Variants in FAHD2A observed in about 807,000 individuals in gnomAD.
FAHD2A encodes oxaloacetate tautomerase FAHD2A, mitochondrial.
A neutral mutation model predicts 33.4 loss-of-function variants in FAHD2A; 27 were observed. That is an observed-to-expected ratio of 0.81 (90% CI 0.60 to 1.11). The LOEUF is 1.11. Ranked by LOEUF, FAHD2A falls within the 50% of genes most tolerant of loss-of-function variation. FAHD2A has a pLI of 0.00. For synonymous variants in FAHD2A, 130 were observed against 153.3 expected, an observed-to-expected ratio of 0.85 and a Z score of 1.12; for missense variants, 296 against 395.0, an observed-to-expected ratio of 0.75 and a Z score of 2.12.
At chr2:95,403,136 T>G (rs2104334201) in intron 1 of FAHD2A, 1 of 152,410 alleles carries the variant, frequency 6.6e-6, no homozygotes, top group Non-Finnish European at 1.5e-5. Flanking sequence ...GGCTACTGTT[T>G]CCACCTCATG....
In FAHD2A at chr2:95,414,076, G is replaced by C. The variant is rs1682921024; in HGVS notation, c.*1119G>C. On this transcript the variant is annotated 3_prime_UTR_variant, in exon 8 of 8. Transcript: ENST00000233379. ...GAGGACAGGGAGACACTGGGCACAG[G>C]CTTCTCTCCTCTTGTTTAAAGAAGC... is the stretch of plus-strand genomic sequence containing the variant. 7.1e-7 allele frequency: 1 copy of C among 1,407,506 alleles called. No individual in the cohort carries two copies. Among genetic ancestry groups the C allele is most frequent in the Non-Finnish European group, 1.0e-6 (1 of 997,466 alleles). The allele number at this position is 1,407,506 out of a possible 1,614,324, so 87.2% of individuals were successfully genotyped here. A position where few individuals can be genotyped will look rare whatever the true frequency, so the allele number is the denominator to read the frequency against.
downstream of FAHD2A, among the ~76,000 whole-genome samples, chr2:95,420,465 C>A (rs555389257): frequency 1.3e-5 from 2 of 151,796 alleles, no homozygotes; most frequent in Non-Finnish European, 2.9e-5. Context: ...TGAGCAAATC[C>A]CCCTGGGCTT....
chr2:95,418,522 AGAG>A (rs1683270528), downstream of FAHD2A, among the ~76,000 whole-genome samples: 1 of 152,022 alleles, frequency 6.6e-6, no homozygotes, highest in Non-Finnish European at 1.5e-5. Context: ...AGAAAAAGTC[AGAG>A]AAGAGGGCAT....
Position 95,412,703 on chromosome 2 carries a change from T to G in FAHD2A, c.821T>G (p.Val274Gly). ...SQFVTFYPGD[V>G]ILTGTPPGVG... ...TTTGTTACCTTTTACCCAGGGGATG[T>G]CATCCTAACTGGGACCCCCCCAGGT... The change falls in exon 7 of 8, where the codon GTC becomes GGC. Residue 274 changes from valine to glycine, a missense_variant. Transcript: ENST00000233379. 5.6e-6 allele frequency: 9 copies of G among 1,614,160 alleles called. No homozygotes were observed. Among genetic ancestry groups the G allele is most frequent in the Non-Finnish European group, 7.6e-6 (9 of 1,180,002 alleles).
At chr2:95,412,288 C>G in intron 5 of FAHD2A, 146 bp from the exon 6 acceptor site, 1 of 908,862 alleles carries the variant, frequency 1.1e-6, no homozygotes, top group Non-Finnish European at 1.7e-6. Flanking sequence ...ACAGAAAGTT[C>G]TAACATAGAG....
downstream of FAHD2A, among the ~76,000 whole-genome samples, chr2:95,418,950 AAGAG>A (rs953628563): frequency 2.0e-5 from 3 of 152,080 alleles, no homozygotes; most frequent in African/African-American, 4.8e-5. Flanking sequence ...GTGTCCTTGT[AAGAG>A]AGAGAAAGAT....
intron 5 of FAHD2A, 41 bp downstream of exon 5, chr2:95,411,067 C>T: frequency 6.2e-7 from 1 of 1,609,448 alleles, no homozygotes; most frequent in African/African-American, 1.3e-5. Flanking sequence ...TACCATTGCA[C>T]AGATGAACAG....
intron 5 of FAHD2A, among the ~76,000 whole-genome samples, chr2:95,411,358 C>G (rs1378336996): frequency 6.6e-6 from 1 of 152,250 alleles, no homozygotes; most frequent in Non-Finnish European, 1.5e-5. Context: ...ATAGTTATCC[C>G]AAGGCCAAGG....
chr2:95,410,545 G>A lies in FAHD2A; in HGVS notation c.481G>A (p.Glu161Lys). The A allele has an allele frequency of 6.2e-7, 1 of 1,611,882 alleles. No homozygotes were observed. Among genetic ancestry groups the A allele is most frequent in the South Asian group, 1.1e-5 (1 of 90,152 alleles). Residue 161 changes from glutamate to lysine, a missense_variant, in exon 4 of 8, where the codon GAG becomes AAG. Transcript: ENST00000233379. ...CCTACAGGAGGTAGATTGGGAAGTG[G>A]AGCTGGCCGTGGTCATTGGAAAGAA... Reference protein sequence around the residue: ...PQSQEVDWEVELAVVIGKKGK... With the variant: ...PQSQEVDWEVKLAVVIGKKGK...
In FAHD2A at chr2:95,407,064, C is replaced by T. The variant is rs781156238; in HGVS notation, c.369C>T (p.Asn123=). 37 of 1,613,116 alleles carry T rather than the reference C, an allele frequency of 2.3e-5. No individual in the cohort carries two copies. The highest frequency in any genetic ancestry group is 9.9e-5 in the South Asian group (9 of 91,018). Residue 123 remains asparagine (N), a synonymous_variant, in exon 3 of 8, where the codon AAC becomes AAT. Coordinates refer to ENST00000233379, the MANE Select transcript of FAHD2A (RefSeq NM_016044.3). ...MNYVDHCKEQ[N]VPVPKEPIIF... ...ATGTGGACCACTGCAAAGAACAGAA[C>T]GTGCCCGTGCCCAAGGAGCCCATCA...
In FAHD2A at chr2:95,414,316, G is replaced by A; in HGVS notation, c.*1359G>A. 9.5e-7 allele frequency: 1 copy of A among 1,049,258 alleles called. No homozygotes were observed. The highest frequency in any genetic ancestry group is 1.6e-5 in the African/African-American group (1 of 64,102). 65.0% of individuals were successfully genotyped at this position (1,049,258 alleles called of 1,614,324 possible). ...CAGCTGTTGGAGAGGAGAAGAAAAA[G>A]AAGACATCAAAAAGAAAATCTAGTG... On this transcript the variant is annotated 3_prime_UTR_variant, in exon 8 of 8. Coordinates refer to ENST00000233379, the MANE Select transcript of FAHD2A (RefSeq NM_016044.3).
intron 3 of FAHD2A, among the ~76,000 whole-genome samples, chr2:95,409,783 T>G (rs1682179804): frequency 6.6e-6 from 1 of 152,232 alleles, no homozygotes; most frequent in Non-Finnish European, 1.5e-5. Context: ...GTTTGGCCAG[T>G]GAGGGGCCTT....
intron 5 of FAHD2A, among the ~76,000 whole-genome samples, chr2:95,411,621 A>G (rs184463610): frequency 1.3e-5 from 2 of 152,334 alleles, no homozygotes; most frequent in Admixed American, 1.3e-4. Context: ...GCAAAGTTAA[A>G]TTGTGTTTCA....
downstream of FAHD2A, among the ~76,000 whole-genome samples, chr2:95,416,912 G>T (rs1683209037): frequency 6.6e-6 from 1 of 152,138 alleles, no homozygotes; most frequent in Non-Finnish European, 1.5e-5. Flanking sequence ...ATCCACCCAG[G>T]ACAACCTCTC....
downstream of FAHD2A, chr2:95,416,722 A>C (rs1310320643): frequency 2.0e-5 from 3 of 152,278 alleles, no homozygotes; most frequent in Non-Finnish European, 2.9e-5. Flanking sequence ...AGTTTCAGCT[A>C]TCCAGGAAGG....
intron 5 of FAHD2A, among the ~76,000 whole-genome samples, chr2:95,412,151 A>G (rs1406892182): frequency 2.0e-5 from 3 of 151,934 alleles, no homozygotes; most frequent in Non-Finnish European, 4.4e-5. Context: ...ATTTTTTTCA[A>G]GGCAAAAACC....
At chr2:95,420,030 A>G (rs1683293300), downstream of FAHD2A, among the ~76,000 whole-genome samples, 1 of 152,052 alleles carries the variant, frequency 6.6e-6, no homozygotes, top group African/African-American at 2.4e-5. Context: ...GTTCAAAGGT[A>G]GAAGACTGAT....
intron 2 of FAHD2A, among the ~76,000 whole-genome samples, 162 bp downstream of exon 2, chr2:95,405,965 A>G (rs1681476473): frequency 6.6e-6 from 1 of 151,838 alleles, no homozygotes; most frequent in South Asian, 2.1e-4. Context: ...GAAATCTTAC[A>G]TAATAACATC....
At chr2:95,407,402 T>C in intron 3 of FAHD2A, 1 of 598,512 alleles carries the variant, frequency 1.7e-6, no homozygotes, top group Non-Finnish European at 2.9e-6. Flanking sequence ...TAAAAAATTA[T>C]GTCACCCATA....
Sources: gnomAD v4.1 joint callset for allele counts (sites outside exome capture counted in the v4.1 genomes callset) on GRCh38, gnomAD v4.1.1 for gene constraint, MANE v1.5 for transcripts, NCBI Gene and HGNC (gene_info 2026-07-23, HGNC 2026-07-21) for gene names.